The following TPM3 variants were observed in gnomAD, a reference collection of about 807,000 sequenced individuals.
TPM3 encodes the protein tropomyosin alpha-3 chain.
A neutral mutation model predicts 43.1 loss-of-function variants in TPM3; 16 were observed. The ratio of observed to expected loss-of-function variants is 0.37; its 90% CI spans 0.25 to 0.56. The LOEUF (loss-of-function observed/expected upper bound fraction) is 0.56. TPM3 is among the 20% of genes least tolerant of loss of function. TPM3 has a pLI of 0.77. For synonymous variants in TPM3, 101 were observed against 116.9 expected (o/e 0.86, Z 0.88); for missense variants, 176 against 337.2 (o/e 0.52, Z 3.74).
At chr1:154,173,034 T>A (rs1005746180) in intron 4 of TPM3, 50 bp downstream of exon 4, 13 of 1,613,656 alleles carry the variant, frequency 8.1e-6, no homozygotes, top group Middle Eastern at 3.3e-4. Flanking sequence ...TTTACCGCAT[T>A]ATGCTTTGTA....
rs755692844 is a variant in TPM3, at chr1:154,163,685, A to G, written c.*4252T>C. On this transcript the variant is annotated 3_prime_UTR_variant, in exon 10 of 10. Transcript: ENST00000651641. ...GTCTTGCTCTGTCACCCAGGCTGGA[A>G]TGCCGTGGCACAATCTCAGCTCACT... Among the ~76,000 whole-genome samples the G allele has an allele frequency of 6.6e-6, 1 of 151,868 alleles. No homozygotes were observed. Among genetic ancestry groups the G allele is most frequent in the Non-Finnish European group, 1.5e-5 (1 of 67,960 alleles).
At chr1:154,188,180 G>A (rs1010574632) in intron 2 of TPM3, among the ~76,000 whole-genome samples, 3 of 151,414 alleles carry the variant, frequency 2.0e-5, no homozygotes, top group Admixed American at 1.3e-4. Flanking sequence ...CTCAGCCTCT[G>A]GAGTACGCGG....
chr1:154,169,526 AAC>A, intron 8 of TPM3, 143 bp from the exon 9 acceptor site: 1 of 780,304 alleles, frequency 1.3e-6, no homozygotes, highest in Admixed American at 2.1e-5. Context: ...CTACTCTGGC[AAC>A]CATGACTGGA....
intron 2 of TPM3, among the ~76,000 whole-genome samples, chr1:154,179,043 G>C (rs1383667634): frequency 6.6e-6 from 1 of 152,190 alleles, no homozygotes; most frequent in East Asian, 1.9e-4. Flanking sequence ...GGACAGAAGG[G>C]GATTAGCCTA....
At chr1:154,173,305 G>C in intron 3 of TPM3, 104 bp from the exon 4 acceptor site, 2 of 899,710 alleles carry the variant, frequency 2.2e-6, no homozygotes, top group Non-Finnish European at 3.7e-6. Context: ...ACTCCTCTCT[G>C]TCTGCCCCTC....
Position 154,163,001 on chromosome 1 carries a change from G to A in TPM3, c.*4936C>T, listed in dbSNP as rs1660543200. 6.6e-6 allele frequency among the ~76,000 whole-genome samples: 1 copy of A among 152,022 alleles called. No individual in the cohort carries two copies. Among genetic ancestry groups the A allele is most frequent in the South Asian group, 2.1e-4 (1 of 4,822 alleles). The stretch of plus-strand genomic sequence containing the variant: ...AATTTTTGTATTTTTAGTAGAGACA[G>A]GTTTTCACCACGTTGGCCAGGATGG... On this transcript the variant is annotated 3_prime_UTR_variant, in exon 10 of 10. Transcript: ENST00000651641.
rs769773964 is a variant in TPM3, at chr1:154,172,198, A to G, written c.566+710T>C. On this transcript the variant is annotated intron_variant, in intron 5 of 9. Transcript: ENST00000651641. ...CAGCAAGAAAACAAGCAGCAAAACG[A>G]AAAAAAAAAATTCAAAAAATGGGAA... 5.7e-6 allele frequency: 6 copies of G among 1,058,156 alleles called. No homozygotes were observed. The East Asian group carries it at 1.0e-4, about 18-fold the overall frequency. 65.5% of individuals were successfully genotyped at this position (1,058,156 alleles called of 1,614,324 possible).
rs1295733413 is a variant in TPM3, at chr1:154,169,513, T to TA, written c.776-131dup. The TA allele has an allele frequency of 5.7e-6, 5 of 876,194 alleles. No homozygotes were observed. In the African/African-American group the frequency reaches 8.3e-5, roughly 15 times the overall value. 54.3% of individuals were successfully genotyped at this position (876,194 alleles called of 1,614,324 possible). On this transcript the variant is annotated intron_variant, in intron 8 of 9. Coordinates refer to ENST00000651641, the MANE Select transcript of TPM3 (RefSeq NM_152263.4). The stretch of plus-strand genomic sequence containing the variant: ...GGGTCTAATACCACAGTTAGGAAAA[T>TA]ATCTACTCTGGCAACCATGACTGGA...
At chr1:154,169,000 T>C (rs1296224922) in intron 9 of TPM3, among the ~76,000 whole-genome samples, 1 of 151,732 alleles carries the variant, frequency 6.6e-6, no homozygotes, top group East Asian at 1.9e-4. Flanking sequence ...CATGCCTGGC[T>C]ACTTTTTGTA....
intron 2 of TPM3, chr1:154,183,350 C>G (rs989269472): frequency 7.1e-7 from 1 of 1,409,966 alleles, no homozygotes; most frequent in African/African-American, 1.4e-5. Context: ...CCCTGGAGTA[C>G]GGCTCCCGGC....
intron 2 of TPM3, among the ~76,000 whole-genome samples, chr1:154,184,138 C>T (rs984781186): frequency 3.9e-5 from 6 of 152,034 alleles, no homozygotes; most frequent in South Asian, 2.1e-4. Context: ...GCTCCGCCTC[C>T]CGGGTTCAAG....
chr1:154,191,677 C>T, intron 1 of TPM3: 1 of 1,452,860 alleles, frequency 6.9e-7, no homozygotes, highest in South Asian at 1.4e-5. Context: ...TCCATTTCTA[C>T]TTAAATTCAG....
At position 154,166,692 on chromosome 1, in the gene TPM3, T is replaced by C. The variant is rs1661016307; in HGVS notation, c.*1245A>G. ...GTGTAAATTGGAATGCGAATTCCTTTTTTTTTTTTGAGATGGAGTCTCTCT... is the reference window on the plus strand; with the variant it reads ...GTGTAAATTGGAATGCGAATTCCTTCTTTTTTTTTGAGATGGAGTCTCTCT... On this transcript the variant is annotated 3_prime_UTR_variant, in exon 10 of 10. Transcript: ENST00000651641. 29 of 1,013,650 alleles carry C rather than the reference T, an allele frequency of 2.9e-5. No homozygotes were observed. Among genetic ancestry groups the C allele is most frequent in the Non-Finnish European group, 3.4e-5 (29 of 845,064 alleles). 62.8% of individuals were successfully genotyped at this position (1,013,650 alleles called of 1,614,324 possible).
intron 5 of TPM3, chr1:154,171,804 C>T (rs1173633260): frequency 1.6e-6 from 1 of 644,414 alleles, no homozygotes; most frequent in Non-Finnish European, 2.7e-6. Flanking sequence ...CCCAAACAGT[C>T]CCCCAAATCA....
At chr1:154,159,442 C>T (rs1660130676), downstream of TPM3, among the ~76,000 whole-genome samples, 1 of 152,206 alleles carries the variant, frequency 6.6e-6, no homozygotes, top group African/African-American at 2.4e-5. Context: ...TGGAAGTGAA[C>T]AGCTGAACAT....
intron 3 of TPM3, among the ~76,000 whole-genome samples, chr1:154,175,669 C>T (rs1422481519): frequency 6.6e-6 from 1 of 152,170 alleles, no homozygotes; most frequent in East Asian, 1.9e-4. Context: ...AGAAATTAAT[C>T]TCACAAATAG....
rs918090119 is a variant in TPM3, at chr1:154,166,384, T to G, written c.*1553A>C. ...CCAGTTCACCCCTTCTTAGGCAACC[T>G]TGTTGTTCTCCACTCCCAGGAGGTC... On this transcript the variant is annotated 3_prime_UTR_variant, in exon 10 of 10. Transcript: ENST00000651641. The G allele has an allele frequency of 9.6e-5, 32 of 331,642 alleles. No homozygotes were observed. The highest frequency in any genetic ancestry group is 6.8e-4 in the African/African-American group (32 of 46,808). 20.5% of individuals were successfully genotyped at this position (331,642 alleles called of 1,614,324 possible).
At chr1:154,182,556 T>C (rs939942240) in intron 2 of TPM3, among the ~76,000 whole-genome samples, 1 of 152,086 alleles carries the variant, frequency 6.6e-6, no homozygotes, top group Non-Finnish European at 1.5e-5. Context: ...GGTTCAGTAC[T>C]GCCCCTCCCC....
chr1:154,181,028 A>G (rs1463229715), intron 2 of TPM3, among the ~76,000 whole-genome samples: 3 of 152,160 alleles, frequency 2.0e-5, no homozygotes, highest in Non-Finnish European at 4.4e-5. Context: ...AGCTCAACAC[A>G]TGGCCAGTTC....
Sources: allele counts gnomAD v4.1 joint callset (sites outside exome capture counted in the v4.1 genomes callset), GRCh38; gene constraint gnomAD v4.1.1; transcripts MANE v1.5; gene names NCBI Gene and HGNC (gene_info 2026-07-23, HGNC 2026-07-21).